TRIM36: variants seen among roughly 807,000 people sequenced by gnomAD.
The protein encoded by TRIM36 is tripartite motif containing 36, also known as E3 ubiquitin-protein ligase TRIM36.
TRIM36 carries 42 observed loss-of-function variants against 72.4 expected under a neutral mutation model. The observed-to-expected ratio is 0.58, with a 90% confidence interval of 0.45 to 0.75. The LOEUF (loss-of-function observed/expected upper bound fraction) is 0.75, where lower values mean the gene tolerates loss of function less well. Ranked by LOEUF, TRIM36 falls within the 30% of genes least tolerant of loss-of-function variation. TRIM36 has a pLI of 0.00. For missense variants in TRIM36, 913 were observed against 857.1 expected (o/e 1.07, Z -0.81); for synonymous variants, 315 against 282.8 (o/e 1.11, Z -1.14).
At chr5:115,143,460 C>T (rs1406953654) in intron 4 of TRIM36, among the ~76,000 whole-genome samples, 2 of 151,488 alleles carry the variant, frequency 1.3e-5, no homozygotes, top group African/African-American at 4.9e-5. Context: ...CAAAAATTAC[C>T]AGGCATGCAA....
chr5:115,126,500 C>G lies in TRIM36; in HGVS notation c.*3G>C. 1 of 1,599,654 alleles carries G rather than the reference C, an allele frequency of 6.3e-7. No individual in the cohort carries two copies. The highest frequency in any genetic ancestry group is 8.6e-7 in the Non-Finnish European group (1 of 1,168,886). On this transcript the variant is annotated 3_prime_UTR_variant, in exon 10 of 10. Coordinates refer to ENST00000513154, the MANE Select transcript of TRIM36 (RefSeq NM_001300759.2). ...TTATCCTGAGTCACATCAGATGTTTCAACTACATGTCCTCTTGGTATTCCA... is the reference window on the plus strand; with the variant it reads ...TTATCCTGAGTCACATCAGATGTTTGAACTACATGTCCTCTTGGTATTCCA...
intron 3 of TRIM36, among the ~76,000 whole-genome samples, chr5:115,146,772 A>G (rs527999200): frequency 6.6e-6 from 1 of 152,338 alleles, no homozygotes; most frequent in African/African-American, 2.4e-5. Flanking sequence ...CTTAAAGAGT[A>G]TATCTGAGAT....
At chr5:115,133,010 T>C (rs958782745) in intron 8 of TRIM36, among the ~76,000 whole-genome samples, 1 of 152,164 alleles carries the variant, frequency 6.6e-6, no homozygotes, top group Non-Finnish European at 1.5e-5. Context: ...GAAAAACAAA[T>C]TGTGCTTTTC....
chr5:115,179,995 C>T (rs1348547134), exon 1 of TRIM36: 1 of 1,614,002 alleles, frequency 6.2e-7, no homozygotes, highest in African/African-American at 1.3e-5. Flanking sequence ...GCTATCAATT[C>T]CATGATGTAG....
At chr5:115,142,766 G>C (rs552508052) in intron 4 of TRIM36, among the ~76,000 whole-genome samples, 38 of 152,292 alleles carry the variant, frequency 2.5e-4, no homozygotes, top group African/African-American at 7.0e-4. Context: ...AATAGGCATT[G>C]AAGATTAAAA....
At position 115,144,648 on chromosome 5, in the gene TRIM36, G is replaced by A; in HGVS notation, c.685C>T (p.His229Tyr). Residue 229 changes from histidine (H) to tyrosine (Y), a missense_variant, in exon 4 of 10, where the codon CAT becomes TAT. His to Tyr is a moderately conservative substitution (Grantham distance 83, BLOSUM62 2). Transcript: ENST00000513154. ...ATAGTGGTTACACGGTGGTTGGCAT[G>A]ATTACCACCCAACTTACACAGATGG... ...VCHLCKLGGN[H>Y]ANHRVTTMSS... 1 of 1,614,158 alleles carries A rather than the reference G, an allele frequency of 6.2e-7. No individual in the cohort carries two copies. Among genetic ancestry groups the A allele is most frequent in the Non-Finnish European group, 8.5e-7 (1 of 1,180,026 alleles).
upstream of TRIM36, chr5:115,170,055 G>A (rs927432240): frequency 6.9e-6 from 6 of 863,714 alleles, no homozygotes; most frequent in Non-Finnish European, 8.4e-6. Context: ...CTGAGTGGTA[G>A]GCTGAGCGGG....
chr5:115,158,711 C>G (rs1327303187), intron 2 of TRIM36, among the ~76,000 whole-genome samples: 1 of 152,156 alleles, frequency 6.6e-6, no homozygotes, highest in Non-Finnish European at 1.5e-5. Context: ...GCATTCTTCA[C>G]CCTGTAAAAT....
chr5:115,139,801 T>C (rs990254912), intron 5 of TRIM36, among the ~76,000 whole-genome samples: 5 of 152,200 alleles, frequency 3.3e-5, no homozygotes, highest in Admixed American at 6.5e-5. Context: ...AACAACTCAG[T>C]AATGTCCCCA....
At chr5:115,165,766 A>C (rs1208033951) in intron 1 of TRIM36, among the ~76,000 whole-genome samples, 1 of 151,702 alleles carries the variant, frequency 6.6e-6, no homozygotes, top group African/African-American at 2.4e-5. Flanking sequence ...CCAGCTGTGG[A>C]CTAGGGCATT....
At chr5:115,176,304 T>C (rs967692948) in intron 1 of TRIM36, among the ~76,000 whole-genome samples, 18 of 152,200 alleles carry the variant, frequency 1.2e-4, no homozygotes, top group African/African-American at 3.9e-4. Flanking sequence ...TTAGTCTAGA[T>C]TTGAGGACTT....
chr5:115,131,103 A>C (rs1752651529), intron 8 of TRIM36, among the ~76,000 whole-genome samples: 8 of 152,170 alleles, frequency 5.3e-5, no homozygotes, highest in Admixed American at 5.2e-4. Context: ...AAATCTCATA[A>C]AGCAGATGTA....
Position 115,147,171 on chromosome 5 carries a change from A to ACAGTCCAT in TRIM36, c.478_485dup (p.Cys162Ter). 1 of 1,614,234 alleles carries ACAGTCCAT rather than the reference A, an allele frequency of 6.2e-7. No individual in the cohort carries two copies. Among genetic ancestry groups the ACAGTCCAT allele is most frequent in the Non-Finnish European group, 8.5e-7 (1 of 1,180,038 alleles). On this transcript the variant is annotated stop_gained and frameshift_variant, in exon 3 of 10. Transcript: ENST00000513154. LOFTEE classifies it high-confidence loss of function. ...AGCATTCATTGCAGTAACTTGCACTACAGTCCATGCAGCTTTTTGTGGATT... is the reference window on the plus strand; with the variant it reads ...AGCATTCATTGCAGTAACTTGCACTACAGTCCATCAGTCCATGCAGCTTTTTGTGGATT...
chr5:115,171,229 A>C (rs1336134408), upstream of TRIM36: 2 of 1,614,134 alleles, frequency 1.2e-6, no homozygotes, highest in South Asian at 1.1e-5. Flanking sequence ...GCATCTAAAT[A>C]AGGAGTGTAG....
At chr5:115,165,229 C>T (rs1754696609) in intron 1 of TRIM36, among the ~76,000 whole-genome samples, 1 of 152,198 alleles carries the variant, frequency 6.6e-6, no homozygotes, top group Non-Finnish European at 1.5e-5. Context: ...GTCTGGAGGA[C>T]CATGGTCCTC....
At chr5:115,139,145 G>A (rs1753137164) in intron 5 of TRIM36, among the ~76,000 whole-genome samples, 1 of 145,788 alleles carries the variant, frequency 6.9e-6, no homozygotes, top group African/African-American at 2.6e-5. Context: ...TTTTGAAACG[G>A]AGTCTTGCCC....
upstream of TRIM36, among the ~76,000 whole-genome samples, chr5:115,170,779 C>G (rs532742021): frequency 5.6e-4 from 85 of 152,352 alleles, 1 homozygote; most frequent in South Asian, 0.017. Flanking sequence ...CCCCGCCACC[C>G]GGGCCTACGC....
intron 7 of TRIM36, among the ~76,000 whole-genome samples, chr5:115,135,800 G>A (rs1311535242): frequency 6.6e-6 from 1 of 152,028 alleles, no homozygotes; most frequent in Non-Finnish European, 1.5e-5. Flanking sequence ...AAAATAAGAC[G>A]GTCATAGTAA....
chr5:115,140,343 T>C (rs1385350489), intron 5 of TRIM36, among the ~76,000 whole-genome samples: 1 of 152,194 alleles, frequency 6.6e-6, no homozygotes, highest in Non-Finnish European at 1.5e-5. Context: ...GAAGAATATC[T>C]GGACTTTTAA....
Sources: gnomAD v4.1 joint callset for allele counts (sites outside exome capture counted in the v4.1 genomes callset) on GRCh38, gnomAD v4.1.1 for gene constraint, MANE v1.5 for transcripts, NCBI Gene and HGNC (gene_info 2026-07-23, HGNC 2026-07-21) for gene names.